Variants in ARHGEF4 observed in about 807,000 individuals in gnomAD.
The protein encoded by ARHGEF4 is APC-stimulated guanine nucleotide exchange factor 1.
In ARHGEF4, 119 loss-of-function variants were observed where a neutral mutation model predicts 162.0. The observed-to-expected ratio is 0.73, with a 90% CI of 0.63 to 0.86. The LOEUF is 0.86. ARHGEF4 is among the 40% of genes least tolerant of loss of function. The probability of loss-of-function intolerance (pLI) is 0.00; values close to 1 mark genes in which losing one functional copy is unlikely to be tolerated. For synonymous variants in ARHGEF4, 1,014 were observed against 979.9 expected, an observed-to-expected ratio of 1.03 and a Z score of -0.65; for missense variants, 2,488 against 2,456.0, an observed-to-expected ratio of 1.01 and a Z score of -0.28.
rs139175435 is a variant in ARHGEF4 at position 130,878,539 on chromosome 2, G to A, written c.40-35447G>A. 5.9e-3 allele frequency among the ~76,000 whole-genome samples: 892 copies of A among 152,312 alleles called. 4 individuals carry two copies. Among genetic ancestry groups the A allele is most frequent in the Middle Eastern group, 0.024 (7 of 294 alleles). On this transcript the variant is annotated intron_variant, in intron 1 of 13. Transcript: ENST00000409359. ...CAGTCCCTTCCTTTATGGCAAGCCT[G>A]CTCTTTGTTCTGGAAGGAGACATTA... is the stretch of plus-strand genomic sequence containing the variant.
chr2:130,870,057 G>C (rs1237739129), intron 1 of ARHGEF4, among the ~76,000 whole-genome samples: 5 of 152,212 alleles, frequency 3.3e-5, no homozygotes, highest in African/African-American at 1.2e-4. Context: ...GCGTTTTGGG[G>C]CAGTGTGAAC....
intron 1 of ARHGEF4, among the ~76,000 whole-genome samples, chr2:130,883,880 G>A (rs533815193): frequency 6.6e-6 from 1 of 152,144 alleles, no homozygotes. Flanking sequence ...AGCCTCCTGA[G>A]CTTCAGCCTC....
At chr2:130,837,385 A>C (rs11894760) in intron 1 of ARHGEF4, 51,057 of 333,192 alleles carry the variant, frequency 0.15, 4,355 homozygotes, top group African/African-American at 0.24. Flanking sequence ...CGCTTGGCGC[A>C]GTACCAGCTG....
chr2:130,853,213 G>T (rs547542404), intron 1 of ARHGEF4, among the ~76,000 whole-genome samples: 165 of 152,286 alleles, frequency 1.1e-3, no homozygotes, highest in African/African-American at 3.7e-3. Context: ...TTCACAGTGC[G>T]GGTTAGCTAC....
At chr2:130,888,534 T>C (rs537199702) in intron 1 of ARHGEF4, among the ~76,000 whole-genome samples, 181 of 152,224 alleles carry the variant, frequency 1.2e-3, no homozygotes, top group Non-Finnish European at 2.1e-3. Context: ...CTATAAATTG[T>C]TCCCCTAAGT....
chr2:130,930,209 T>G (rs893251507), intron 2 of ARHGEF4, among the ~76,000 whole-genome samples: 8 of 152,208 alleles, frequency 5.3e-5, no homozygotes, highest in African/African-American at 1.9e-4. Context: ...AATTTCACCT[T>G]AGTTTTTAGC....
intron 4 of ARHGEF4, among the ~76,000 whole-genome samples, chr2:130,947,617 C>A (rs1372540368): frequency 6.6e-6 from 1 of 152,166 alleles, no homozygotes; most frequent in Non-Finnish European, 1.5e-5. Context: ...CTGTATGAGT[C>A]CTTTCTCCAA....
intron 4 of ARHGEF4, among the ~76,000 whole-genome samples, chr2:130,983,663 T>C (rs1161604683): frequency 2.0e-5 from 3 of 152,056 alleles, no homozygotes; most frequent in Non-Finnish European, 4.4e-5. Flanking sequence ...TTTAATTTTT[T>C]TTTTGAGATG....
At position 130,916,636 on chromosome 2, in the gene ARHGEF4, G is replaced by A. The variant is rs1340199393; in HGVS notation, c.2690G>A (p.Arg897Lys). Residue 897 changes from arginine (R) to lysine (K), a missense_variant, in exon 2 of 14, where the codon AGA (arginine) becomes AAA (lysine). Around this residue, in one of 6 missense-constraint regions of ARHGEF4, gnomAD observed 1,642 missense variants for 1,481.5 expected, o/e 1.11. Transcript: ENST00000409359. ...TCCTCTGAGAGCTGCAACGCAAAGA[G>A]ACTCAAAACAACGGAGAAAAAACTC... ...GPSSESCNAKRLKTTEKKLRA... is the reference protein window; with the variant it reads ...GPSSESCNAKKLKTTEKKLRA... 2 of 1,550,570 alleles carry A rather than the reference G, an allele frequency of 1.3e-6. No homozygotes were observed. The highest frequency in any genetic ancestry group is 1.7e-6 in the Non-Finnish European group (2 of 1,146,986).
chr2:130,928,915 ATC>A (rs973633029), intron 2 of ARHGEF4, among the ~76,000 whole-genome samples: 35 of 152,024 alleles, frequency 2.3e-4, no homozygotes, highest in Non-Finnish European at 4.1e-4. Flanking sequence ...TCTCTATTCT[ATC>A]TGTCTGTCTA....
intron 3 of ARHGEF4, among the ~76,000 whole-genome samples, chr2:130,946,113 G>A (rs933560236): frequency 1.3e-5 from 2 of 152,192 alleles, no homozygotes; most frequent in African/African-American, 4.8e-5. Flanking sequence ...ATAATTAGGA[G>A]ATGTCACGGA....
At chr2:130,926,008 T>TCTTCTTTC (rs1553514598) in intron 2 of ARHGEF4, among the ~76,000 whole-genome samples, 1 of 19,002 alleles carries the variant, frequency 5.3e-5, no homozygotes, top group Non-Finnish European at 2.2e-4. Context: ...ATTTGTTTGG[T>TCTTCTTTC]TTTCTCTCTT....
At position 131,034,996 on chromosome 2, in the gene ARHGEF4, G is replaced by C. The variant is rs1285394534; in HGVS notation, c.4126-3857G>C. ...CGCGGGAGGAGCCCCAGGCCCGCGAGCGCAGGCGCCCCGCCTCTCCCCGGG... is the reference window on the plus strand; with the variant it reads ...CGCGGGAGGAGCCCCAGGCCCGCGACCGCAGGCGCCCCGCCTCTCCCCGGG... On this transcript the variant is annotated intron_variant, in intron 5 of 13. Coordinates refer to ENST00000409359, the MANE Select transcript of ARHGEF4 (RefSeq NM_001367493.1). 4.1e-6 allele frequency: 4 copies of C among 984,074 alleles called. No individual in the cohort carries two copies. The African/African-American group carries it at 5.3e-5, about 13-fold the overall frequency. 61.0% of individuals were successfully genotyped at this position (984,074 alleles called of 1,614,324 possible). A position where few individuals can be genotyped will look rare whatever the true frequency, so the allele number is the denominator to read the frequency against.
chr2:131,045,127 G>A (rs916505570), intron 12 of ARHGEF4, among the ~76,000 whole-genome samples: 3 of 152,226 alleles, frequency 2.0e-5, no homozygotes, highest in Admixed American at 6.5e-5. Flanking sequence ...GGTGGGCAGA[G>A]GAAGGACTCG....
intron 1 of ARHGEF4, among the ~76,000 whole-genome samples, chr2:130,884,611 A>T (rs945016302): frequency 3.9e-5 from 6 of 152,238 alleles, no homozygotes; most frequent in Non-Finnish European, 8.8e-5. Flanking sequence ...GCAAGTTGCA[A>T]CACCTGTTCT....
intron 1 of ARHGEF4, among the ~76,000 whole-genome samples, chr2:130,887,328 C>T (rs1157593441): frequency 6.6e-6 from 1 of 150,470 alleles, no homozygotes; most frequent in African/African-American, 2.5e-5. Context: ...AAGACCCTGT[C>T]TCCAAAAAAA....
rs567350065 is a variant in ARHGEF4, at chr2:131,008,734, G to A, written c.3986-19211G>A. On this transcript the variant is annotated intron_variant, in intron 4 of 13. Coordinates refer to ENST00000409359, the MANE Select transcript of ARHGEF4 (RefSeq NM_001367493.1). ...TCTGAAGATTATTTTATATATACAT[G>A]TGTATATATATATCTTTTCATAGTC... Among the ~76,000 whole-genome samples, 4 of 151,740 alleles carry A rather than the reference G, an allele frequency of 2.6e-5. No homozygotes were observed. In the South Asian group the frequency reaches 8.3e-4, roughly 32 times the overall value.
intron 4 of ARHGEF4, among the ~76,000 whole-genome samples, chr2:131,025,719 T>C (rs1466990992): frequency 2.0e-5 from 3 of 152,170 alleles, no homozygotes; most frequent in East Asian, 1.9e-4. Flanking sequence ...GTCTATCTGG[T>C]TGGGGGGAGT....
intron 4 of ARHGEF4, among the ~76,000 whole-genome samples, chr2:131,022,676 A>G (rs1689213143): frequency 6.6e-6 from 1 of 150,692 alleles, no homozygotes. Context: ...AAAAAACAAA[A>G]ACCCCACACA....
Sources: gnomAD v4.1 joint callset for allele counts (sites outside exome capture counted in the v4.1 genomes callset) on GRCh38, gnomAD v4.1.1 for gene constraint, gnomAD v4.1.1 regional missense constraint, MANE v1.5 for transcripts, NCBI Gene and HGNC (gene_info 2026-07-23, HGNC 2026-07-21) for gene names.